Variants in EPHA3 observed in about 807,000 individuals in gnomAD.
EPHA3 encodes the protein EPH receptor A3.
In EPHA3, 42 loss-of-function variants were observed where a neutral mutation model predicts 107.1. That is an observed-to-expected ratio of 0.39 (90% CI 0.31 to 0.51). The LOEUF (loss-of-function observed/expected upper bound fraction) is 0.51, where lower values mean the gene tolerates loss of function less well. Among genes scored for constraint, EPHA3 ranks in the 20% least tolerant of loss-of-function variants. EPHA3 has a pLI of 0.78. For synonymous variants in EPHA3, 461 were observed against 424.8 expected (o/e 1.09, Z -1.05); for missense variants, 1,183 against 1,211.2 (o/e 0.98, Z 0.35).
intron 7 of EPHA3, among the ~76,000 whole-genome samples, chr3:89,404,267 T>A (rs867969113): frequency 1.3e-5 from 2 of 152,212 alleles, no homozygotes; most frequent in Non-Finnish European, 1.5e-5. Flanking sequence ...ATAGAGTACT[T>A]TTGCAAAGTT....
intron 5 of EPHA3, among the ~76,000 whole-genome samples, chr3:89,380,937 A>G (rs116840204): frequency 0.03 from 4,623 of 151,626 alleles, 228 homozygotes; most frequent in African/African-American, 0.11. Flanking sequence ...CCCGGCTAAT[A>G]GTAGTAGCTT....
chr3:89,446,093 C>T (rs1053799043), intron 13 of EPHA3, among the ~76,000 whole-genome samples: 1 of 152,066 alleles, frequency 6.6e-6, no homozygotes, highest in African/African-American at 2.4e-5. Flanking sequence ...TCCAAACATG[C>T]ATCCCATTTG....
At chr3:89,130,304 A>G (rs2106983512) in intron 2 of EPHA3, among the ~76,000 whole-genome samples, 1 of 152,334 alleles carries the variant, frequency 6.6e-6, no homozygotes, top group African/African-American at 2.4e-5. Flanking sequence ...AATGTCCATA[A>G]CTAAGGAGAT....
intron 5 of EPHA3, among the ~76,000 whole-genome samples, chr3:89,362,172 AGCT>A (rs1300914434): frequency 2.0e-5 from 3 of 151,088 alleles, no homozygotes; most frequent in Non-Finnish European, 3.0e-5. Context: ...AAGCGCAAGT[AGCT>A]GCTATTAATC....
chr3:89,383,327 C>T (rs1389268900), intron 5 of EPHA3, among the ~76,000 whole-genome samples: 1 of 152,158 alleles, frequency 6.6e-6, no homozygotes, highest in Non-Finnish European at 1.5e-5. Flanking sequence ...CCAAGAATAG[C>T]CTTTCCGAAT....
At chr3:89,346,576 C>A (rs1348419505) in intron 5 of EPHA3, among the ~76,000 whole-genome samples, 1 of 149,614 alleles carries the variant, frequency 6.7e-6, no homozygotes, top group East Asian at 2.0e-4. Context: ...GTTGCCTGTT[C>A]ACTCTGATGG....
At chr3:89,196,264 A>G (rs1361801948) in intron 2 of EPHA3, among the ~76,000 whole-genome samples, 1 of 152,098 alleles carries the variant, frequency 6.6e-6, no homozygotes, top group African/African-American at 2.4e-5. Context: ...TCATTTTGAA[A>G]TCTTCCCCTC....
intron 13 of EPHA3, among the ~76,000 whole-genome samples, chr3:89,444,761 A>G (rs1185616182): frequency 1.3e-5 from 2 of 152,136 alleles, no homozygotes; most frequent in Non-Finnish European, 2.9e-5. Flanking sequence ...ATTCTCAATC[A>G]TCTTTATTCT....
At chr3:89,354,592 G>A (rs988869062) in intron 5 of EPHA3, among the ~76,000 whole-genome samples, 4 of 151,148 alleles carry the variant, frequency 2.6e-5, no homozygotes, top group Non-Finnish European at 5.9e-5. Context: ...ATAAGCAGGG[G>A]CCCTGACATT....
rs899552652 is a variant in EPHA3 at position 89,403,383 on chromosome 3, A to G, written c.1595-3886A>G. On this transcript the variant is annotated intron_variant, in intron 7 of 16. Coordinates refer to ENST00000336596, the MANE Select transcript of EPHA3 (RefSeq NM_005233.6). ...TATTGTATCCTTTTATACATGATCC[A>G]AGATACAGATTTTGTGTGTTTTTTT... 1.1e-4 allele frequency among the ~76,000 whole-genome samples: 17 copies of G among 152,276 alleles called. No individual in the cohort carries two copies. The South Asian group carries it at 3.5e-3, about 32-fold the overall frequency.
chr3:89,402,885 C>T (rs1708993257), intron 7 of EPHA3, among the ~76,000 whole-genome samples: 3 of 152,092 alleles, frequency 2.0e-5, no homozygotes, highest in Non-Finnish European at 4.4e-5. Context: ...ACCATGTTGG[C>T]CAGGCTGGTC....
At chr3:89,198,041 A>T (rs1705888117) in intron 2 of EPHA3, among the ~76,000 whole-genome samples, 1 of 152,194 alleles carries the variant, frequency 6.6e-6, no homozygotes, top group Non-Finnish European at 1.5e-5. Context: ...TTTGTCAATT[A>T]TATTTAGTGA....
At chr3:89,233,554 C>T (rs1283303771) in intron 3 of EPHA3, among the ~76,000 whole-genome samples, 7 of 152,078 alleles carry the variant, frequency 4.6e-5, no homozygotes, top group South Asian at 4.2e-4. Context: ...AACTTTGCAC[C>T]GGCTGTTGTT....
At chr3:89,411,896 GA>G (rs1709160217) in intron 9 of EPHA3, among the ~76,000 whole-genome samples, 1 of 151,862 alleles carries the variant, frequency 6.6e-6, no homozygotes, top group Admixed American at 6.6e-5. Flanking sequence ...AGTAATATTG[GA>G]AACAGTAATA....
Position 89,368,510 on chromosome 3 carries a change from A to T in EPHA3, c.1306+26420A>T, listed in dbSNP as rs1007051142. On this transcript the variant is annotated intron_variant, in intron 5 of 16. Transcript: ENST00000336596. The stretch of plus-strand genomic sequence containing the variant: ...TCAGTCTGAGGCCAAAGGCTTATGA[A>T]CCAGGGGAGTCAATAGTATAACTTC... 2.7e-5 allele frequency among the ~76,000 whole-genome samples: 4 copies of T among 150,532 alleles called. 1 individual carries two copies. Among genetic ancestry groups the T allele is most frequent in the Admixed American group, 2.0e-4 (3 of 14,998 alleles).
rs571130774 is a variant in EPHA3, at chr3:89,359,362, C to T, written c.1306+17272C>T. 3.3e-5 allele frequency among the ~76,000 whole-genome samples: 5 copies of T among 150,732 alleles called. No homozygotes were observed. In the South Asian group the frequency reaches 6.2e-4, roughly 19 times the overall value. Reference sequence around the variant, plus strand: ...TGAAAGTTAAAAGATATTGCTTTCTCTGTATGAAAAGTAAAAACGATTAAA... The same window carrying T: ...TGAAAGTTAAAAGATATTGCTTTCTTTGTATGAAAAGTAAAAACGATTAAA... On this transcript the variant is annotated intron_variant, in intron 5 of 16. Coordinates refer to ENST00000336596, the MANE Select transcript of EPHA3 (RefSeq NM_005233.6).
At chr3:89,194,112 C>T (rs2107146302) in intron 2 of EPHA3, among the ~76,000 whole-genome samples, 1 of 151,958 alleles carries the variant, frequency 6.6e-6, no homozygotes, top group East Asian at 1.9e-4. Context: ...AGATTTAGTC[C>T]ATTCCCAAAT....
chr3:89,342,183 G>T (rs773142949), intron 5 of EPHA3, 93 bp downstream of exon 5: 5 of 1,139,052 alleles, frequency 4.4e-6, no homozygotes, highest in Non-Finnish European at 6.1e-6. Flanking sequence ...AGGAAAAAAA[G>T]ATTTTATAGA....
At chr3:89,338,740 G>A (rs770960775) in intron 3 of EPHA3, among the ~76,000 whole-genome samples, 3 of 152,050 alleles carry the variant, frequency 2.0e-5, no homozygotes, top group Non-Finnish European at 2.9e-5. Context: ...GTAGGGACGG[G>A]GTTTCACCGT....
Sources: gnomAD v4.1 joint callset for allele counts (sites outside exome capture counted in the v4.1 genomes callset) on GRCh38, gnomAD v4.1.1 for gene constraint, MANE v1.5 for transcripts, NCBI Gene and HGNC (gene_info 2026-07-23, HGNC 2026-07-21) for gene names.